The following CDK14 variants were observed in gnomAD, a reference collection of about 807,000 sequenced individuals.
The protein encoded by CDK14 is cyclin dependent kinase 14.
CDK14 carries 34 observed loss-of-function variants against 60.7 expected under a neutral mutation model. The ratio of observed to expected loss-of-function variants is 0.56; its 90% CI spans 0.43 to 0.75. The LOEUF (loss-of-function observed/expected upper bound fraction) is 0.75. Ranked by LOEUF, CDK14 falls within the 30% of genes least tolerant of loss-of-function variation. CDK14 has a pLI of 0.00. For missense variants in CDK14, 482 were observed against 564.1 expected (o/e 0.85, Z 1.47); for synonymous variants, 197 against 203.7 (o/e 0.97, Z 0.28).
chr7:91,022,679 T>C (rs1349662950), intron 10 of CDK14, among the ~76,000 whole-genome samples: 1 of 152,254 alleles, frequency 6.6e-6, no homozygotes, highest in Non-Finnish European at 1.5e-5. Flanking sequence ...TTCATGTAAA[T>C]GCAGTTATGG....
intron 11 of CDK14, among the ~76,000 whole-genome samples, chr7:91,064,860 C>T (rs1362729228): frequency 6.6e-6 from 1 of 152,104 alleles, no homozygotes; most frequent in Non-Finnish European, 1.5e-5. Flanking sequence ...TAAATTTGTT[C>T]TTGTTTATGA....
intron 5 of CDK14, among the ~76,000 whole-genome samples, chr7:90,823,958 C>T (rs1005235648): frequency 1.3e-5 from 2 of 152,182 alleles, no homozygotes; most frequent in Non-Finnish European, 1.5e-5. Flanking sequence ...ACAATTCTTG[C>T]TCTCCAAACA....
At chr7:90,981,300 C>CT (rs1408225244) in intron 9 of CDK14, among the ~76,000 whole-genome samples, 1 of 152,178 alleles carries the variant, frequency 6.6e-6, no homozygotes, top group Non-Finnish European at 1.5e-5. Context: ...AAATAATTCT[C>CT]TTGATACCTA....
At chr7:91,083,451 T>C (rs919453553) in intron 12 of CDK14, among the ~76,000 whole-genome samples, 9 of 152,094 alleles carry the variant, frequency 5.9e-5, no homozygotes, top group African/African-American at 1.4e-4. Flanking sequence ...ATGCAGACAG[T>C]CCAATCCAAG....
chr7:90,954,173 A>G (rs780237690), intron 8 of CDK14, among the ~76,000 whole-genome samples: 1 of 152,142 alleles, frequency 6.6e-6, no homozygotes, highest in African/African-American at 2.4e-5. Context: ...GGGCACTGTA[A>G]CCATGGCTGA....
intron 4 of CDK14, among the ~76,000 whole-genome samples, chr7:90,751,087 G>C (rs1383955198): frequency 6.6e-6 from 1 of 151,724 alleles, no homozygotes; most frequent in African/African-American, 2.4e-5. Flanking sequence ...CAGAGAAAAG[G>C]TAAACAACCT....
intron 14 of CDK14, among the ~76,000 whole-genome samples, chr7:91,174,024 A>G (rs1009147428): frequency 1.3e-5 from 2 of 152,130 alleles, no homozygotes; most frequent in Non-Finnish European, 2.9e-5. Flanking sequence ...AAACAAAAAG[A>G]TAGCAGTAAC....
chr7:90,793,899 C>T (rs1805935313), intron 5 of CDK14, among the ~76,000 whole-genome samples: 3 of 152,134 alleles, frequency 2.0e-5, no homozygotes, highest in African/African-American at 7.2e-5. Context: ...CTATTTGGCC[C>T]TTTCAATAAA....
intron 2 of CDK14, among the ~76,000 whole-genome samples, chr7:90,613,146 G>A (rs1239896789): frequency 6.6e-6 from 1 of 152,158 alleles, no homozygotes; most frequent in South Asian, 2.1e-4. Flanking sequence ...TCAAATGTCT[G>A]CGTAGTGCTG....
intron 8 of CDK14, among the ~76,000 whole-genome samples, chr7:90,952,226 C>T (rs1168914741): frequency 6.6e-6 from 1 of 152,074 alleles, no homozygotes; most frequent in Non-Finnish European, 1.5e-5. Context: ...AATGGCTGGT[C>T]TGCGTAGGGA....
At chr7:90,637,006 C>T (rs950286507) in intron 2 of CDK14, among the ~76,000 whole-genome samples, 2 of 151,758 alleles carry the variant, frequency 1.3e-5, no homozygotes, top group Non-Finnish European at 2.9e-5. Context: ...TTTATTGCGT[C>T]TATTTGATTC....
intron 3 of CDK14, among the ~76,000 whole-genome samples, chr7:90,738,575 C>T (rs1803220572): frequency 6.6e-6 from 1 of 152,194 alleles, no homozygotes; most frequent in South Asian, 2.1e-4. Context: ...AACATCATCT[C>T]ATTAAATTTC....
intron 2 of CDK14, among the ~76,000 whole-genome samples, chr7:90,698,900 T>G (rs917218276): frequency 6.6e-6 from 1 of 152,198 alleles, no homozygotes; most frequent in African/African-American, 2.4e-5. Flanking sequence ...CCTGCAGCTT[T>G]GTAGTTACAA....
intron 2 of CDK14, chr7:90,710,613 T>G: frequency 1.1e-6 from 1 of 887,038 alleles, no homozygotes; most frequent in Non-Finnish European, 1.4e-6. Context: ...TATGCTTTTA[T>G]GTACAGAAGT....
intron 6 of CDK14, among the ~76,000 whole-genome samples, chr7:90,897,713 T>C (rs1485700647): frequency 2.0e-5 from 3 of 152,050 alleles, no homozygotes; most frequent in Non-Finnish European, 4.4e-5. Flanking sequence ...TTTCACTAAA[T>C]GCATGAAATA....
chr7:90,922,114 A>G (rs185391167), intron 8 of CDK14, among the ~76,000 whole-genome samples: 82 of 152,330 alleles, frequency 5.4e-4, no homozygotes, highest in Non-Finnish European at 9.8e-4. Context: ...ACCTTTACCT[A>G]TGTTTTAAAT....
chr7:91,077,528 A>C (rs1798360684), intron 11 of CDK14, among the ~76,000 whole-genome samples: 1 of 152,120 alleles, frequency 6.6e-6, no homozygotes, highest in South Asian at 2.1e-4. Flanking sequence ...GCATCAGGAC[A>C]AATAGCTAAT....
chr7:91,129,731 T>C (rs1189783940), intron 14 of CDK14, among the ~76,000 whole-genome samples: 1 of 152,190 alleles, frequency 6.6e-6, no homozygotes, highest in Non-Finnish European at 1.5e-5. Flanking sequence ...ATAGAAAATT[T>C]GAATTTGAGA....
intron 10 of CDK14, among the ~76,000 whole-genome samples, chr7:91,038,912 T>C (rs943461354): frequency 2.0e-5 from 3 of 152,204 alleles, no homozygotes; most frequent in East Asian, 1.9e-4. Flanking sequence ...TCCCCAGCCA[T>C]GTGGAACTGT....
Sources: allele counts gnomAD v4.1 joint callset (sites outside exome capture counted in the v4.1 genomes callset), GRCh38; gene constraint gnomAD v4.1.1; transcripts MANE v1.5; gene names NCBI Gene and HGNC (gene_info 2026-07-23, HGNC 2026-07-21).